AGTPBP1: variants seen among roughly 807,000 people sequenced by gnomAD.
The protein encoded by AGTPBP1 is ATP/GTP binding carboxypeptidase 1.
AGTPBP1 carries 70 observed loss-of-function variants against 143.9 expected under a neutral mutation model. The observed-to-expected ratio is 0.49, with a 90% CI of 0.40 to 0.59. AGTPBP1 has a LOEUF of 0.59. Ranked by LOEUF, AGTPBP1 falls within the 20% of genes least tolerant of loss-of-function variation. The probability of loss-of-function intolerance (pLI) is 0.00; values close to 1 mark genes in which losing one functional copy is unlikely to be tolerated. For synonymous variants in AGTPBP1, 463 were observed against 500.2 expected, an observed-to-expected ratio of 0.93 and a Z score of 0.99; for missense variants, 1,229 against 1,464.5, an observed-to-expected ratio of 0.84 and a Z score of 2.62.
chr9:85,741,006 A>G (rs1824221607), intron 1 of AGTPBP1, among the ~76,000 whole-genome samples: 1 of 152,212 alleles, frequency 6.6e-6, no homozygotes, highest in Non-Finnish European at 1.5e-5. Flanking sequence ...GGTGCTCGTA[A>G]GAGGTTTATA....
chr9:85,622,070 C>T (rs1402392974), intron 14 of AGTPBP1, among the ~76,000 whole-genome samples: 1 of 152,204 alleles, frequency 6.6e-6, no homozygotes, highest in Non-Finnish European at 1.5e-5. Context: ...CTGCCTGTAA[C>T]TCCAGGTAGA....
intron 23 of AGTPBP1, among the ~76,000 whole-genome samples, chr9:85,584,261 G>A (rs1435423794): frequency 6.6e-6 from 1 of 151,972 alleles, no homozygotes; most frequent in African/African-American, 2.4e-5. Context: ...TCTGAAGGTC[G>A]TGTGGCAGAA....
chr9:85,665,582 T>C (rs956243455), intron 8 of AGTPBP1, among the ~76,000 whole-genome samples: 1 of 152,198 alleles, frequency 6.6e-6, no homozygotes, highest in African/African-American at 2.4e-5. Flanking sequence ...TACAGCTAAT[T>C]CTTTATTCAA....
At chr9:85,788,569 A>G in the AGTPBP1 span, among the ~76,000 whole-genome samples, 3 of 149,884 alleles carry the variant, frequency 2.0e-5, no homozygotes, top group African/African-American at 7.3e-5. Flanking sequence ...ATAAATACAT[A>G]TTTATTTAAA....
the AGTPBP1 span, among the ~76,000 whole-genome samples, chr9:85,793,879 A>T: frequency 6.6e-6 from 1 of 152,116 alleles, no homozygotes; most frequent in Non-Finnish European, 1.5e-5. Flanking sequence ...CTGAAAATAT[A>T]AAAAAATGGC....
chr9:85,614,321 G>A (rs1324498244), intron 17 of AGTPBP1, among the ~76,000 whole-genome samples: 7 of 151,902 alleles, frequency 4.6e-5, no homozygotes, highest in Non-Finnish European at 1.0e-4. Flanking sequence ...TCAGCAAGAA[G>A]GTTGATTTTC....
rs976050123 is a variant in AGTPBP1, at chr9:85,615,273, A to G, written c.2335+3710T>C. On this transcript the variant is annotated intron_variant, in intron 17 of 25. Transcript: ENST00000357081. The stretch of plus-strand genomic sequence containing the variant: ...CAGCACTGTAGTACCCATTTTCCCT[A>G]GTCTTCAGCAACATATGTTCATTCT... Among the ~76,000 whole-genome samples the G allele has an allele frequency of 3.9e-5, 6 of 152,152 alleles. 1 individual carries two copies. The highest frequency in any genetic ancestry group is 1.3e-4 in the Admixed American group (2 of 15,268).
rs577055341 is a variant in AGTPBP1, at chr9:85,556,099, T to A, written c.3504-8813A>T. 3.9e-5 allele frequency among the ~76,000 whole-genome samples: 6 copies of A among 152,218 alleles called. No homozygotes were observed. In the South Asian group the frequency reaches 1.2e-3, roughly 32 times the overall value. On this transcript the variant is annotated intron_variant, in intron 25 of 25. Coordinates refer to ENST00000357081, the MANE Select transcript of AGTPBP1 (RefSeq NM_001330701.2). ...AACCCCCGTGACATGGGTTTACCTA[T>A]GTAACAAACCTGCATATGTATCGCT...
At position 85,660,926 on chromosome 9, in the gene AGTPBP1, A is replaced by C. The variant is rs758484211; in HGVS notation, c.700+10T>G. The C allele has an allele frequency of 6.4e-7, 1 of 1,568,674 alleles. No individual in the cohort carries two copies. Among genetic ancestry groups the C allele is most frequent in the Non-Finnish European group, 8.6e-7 (1 of 1,157,612 alleles). On this transcript the variant is annotated intron_variant, in intron 9 of 25. Transcript: ENST00000357081. ...ATAGTATCTAGTATTTCTAGTATTTAAAAACTTACTTGATTTTAGCAATGC... is the reference window on the plus strand; with the variant it reads ...ATAGTATCTAGTATTTCTAGTATTTCAAAACTTACTTGATTTTAGCAATGC...
At chr9:85,633,548 T>G (rs1379461709) in intron 13 of AGTPBP1, among the ~76,000 whole-genome samples, 174 bp from the exon 14 acceptor site, 1 of 152,146 alleles carries the variant, frequency 6.6e-6, no homozygotes, top group Non-Finnish European at 1.5e-5. Flanking sequence ...CACAACAAAA[T>G]TCATAACAAC....
the AGTPBP1 span, among the ~76,000 whole-genome samples, chr9:85,780,044 T>C: frequency 6.6e-6 from 1 of 152,178 alleles, no homozygotes; most frequent in African/African-American, 2.4e-5. Context: ...AACAAGATGA[T>C]GGACTAATTT....
chr9:85,802,450 C>T, the AGTPBP1 span, among the ~76,000 whole-genome samples: 2 of 152,064 alleles, frequency 1.3e-5, no homozygotes, highest in Admixed American at 6.6e-5. Flanking sequence ...ATTGCATAAC[C>T]AAGTGGCTAG....
the AGTPBP1 span, chr9:85,785,803 AC>A: frequency 5.2e-6 from 1 of 190,824 alleles, no homozygotes; most frequent in East Asian, 1.6e-4. Context: ...ATGGAAAGGC[AC>A]CAGAGGTGCC....
At chr9:85,737,148 T>G (rs1032966526) in intron 1 of AGTPBP1, among the ~76,000 whole-genome samples, 1 of 152,172 alleles carries the variant, frequency 6.6e-6, no homozygotes, top group Non-Finnish European at 1.5e-5. Flanking sequence ...CAATGTCACT[T>G]AAGAATGTCC....
At chr9:85,804,977 G>A in the AGTPBP1 span, among the ~76,000 whole-genome samples, 1 of 152,194 alleles carries the variant, frequency 6.6e-6, no homozygotes, top group Non-Finnish European at 1.5e-5. Flanking sequence ...AGGTGATCCT[G>A]CCTTGCTGCG....
chr9:85,683,263 T>C (rs1319700901), intron 3 of AGTPBP1, among the ~76,000 whole-genome samples: 2 of 152,164 alleles, frequency 1.3e-5, no homozygotes, highest in African/African-American at 4.8e-5. Context: ...ATGCAACCTA[T>C]CCTTTACTTT....
chr9:85,555,467 C>T (rs1826278442), intron 25 of AGTPBP1, among the ~76,000 whole-genome samples: 1 of 152,150 alleles, frequency 6.6e-6, no homozygotes, highest in Non-Finnish European at 1.5e-5. Context: ...GGTGTGGTAG[C>T]AGGCACCTGT....
the AGTPBP1 span, among the ~76,000 whole-genome samples, chr9:85,749,037 C>T: frequency 1.5e-5 from 2 of 132,582 alleles, no homozygotes; most frequent in Admixed American, 8.4e-5. Context: ...AGGTCTTGCT[C>T]TGTCATCCAG....
chr9:85,761,562 G>C, the AGTPBP1 span, among the ~76,000 whole-genome samples: 1 of 152,172 alleles, frequency 6.6e-6, no homozygotes, highest in African/African-American at 2.4e-5. Context: ...GGGAAAACTG[G>C]CTAGCCATAT....
Sources: gnomAD v4.1 joint callset for allele counts (sites outside exome capture counted in the v4.1 genomes callset) on GRCh38, gnomAD v4.1.1 for gene constraint, MANE v1.5 for transcripts, NCBI Gene and HGNC (gene_info 2026-07-23, HGNC 2026-07-21) for gene names.